UBR4: variants seen among roughly 807,000 people sequenced by gnomAD.
UBR4 encodes the protein E3 ubiquitin-protein ligase UBR4.
In UBR4, 124 loss-of-function variants were observed where a neutral mutation model predicts 575.6. The observed-to-expected ratio is 0.22, with a 90% CI of 0.19 to 0.25. UBR4 has a LOEUF of 0.25. Ranked by LOEUF, UBR4 falls within the 10% of genes least tolerant of loss-of-function variation. UBR4 has a pLI of 1.00. For synonymous variants in UBR4, 2,455 were observed against 2,473.7 expected (o/e 0.99, Z 0.22); for missense variants, 4,818 against 6,478.8 (o/e 0.74, Z 8.80).
chr1:19,112,236 G>A (rs942464393), intron 78 of UBR4: 3 of 377,324 alleles, frequency 8.0e-6, no homozygotes, highest in Admixed American at 4.4e-5. Flanking sequence ...GAGTTCAAGT[G>A]TCTCCCTTCC....
Position 19,184,045 on chromosome 1 carries a change from A to C in UBR4, c.2069T>G (p.Ile690Ser), listed in dbSNP as rs2091286363. The change falls in exon 16 of 106, where the codon ATC becomes AGC. Residue 690 changes from isoleucine (I) to serine (S), a missense_variant. Physicochemically the swap from Ile to Ser is moderately radical, Grantham distance 142 (BLOSUM62 -2). This residue lies in a region of UBR4 where 1,172 missense variants were observed against 1,259.7 expected (regional missense o/e 0.93). Coordinates refer to ENST00000375254, the MANE Select transcript of UBR4 (RefSeq NM_020765.3). ...GAGTCCATCTTTGTCCACCTCCTTG[A>C]TGATACTGGCTAGGGTGGCCATATG... ...EHHMATLASI[I>S]KEVDKDGLKG... 1 of 1,614,044 alleles carries C rather than the reference A, an allele frequency of 6.2e-7. No homozygotes were observed. The highest frequency in any genetic ancestry group is 8.5e-7 in the Non-Finnish European group (1 of 1,180,022).
At chr1:19,179,299 T>C (rs1215268782) in intron 17 of UBR4, 79 bp from the exon 18 acceptor site, 1 of 1,387,964 alleles carries the variant, frequency 7.2e-7, no homozygotes, top group Non-Finnish European at 9.4e-7. Context: ...TTCTCAAACG[T>C]TTGTTTGTTT....
chr1:19,145,157 G>C (rs1214059993), intron 53 of UBR4, among the ~76,000 whole-genome samples: 2 of 152,158 alleles, frequency 1.3e-5, no homozygotes, highest in African/African-American at 2.4e-5. Flanking sequence ...GAAATAAGTA[G>C]CTGTCCACTC....
rs1441181198 is a variant in UBR4 at position 19,089,276 on chromosome 1, T to A, written c.14212-299A>T. ...CTAGATAACATATGCAAAGCATCCA[T>A]CACAGAGGATGTGGAAAGGGGCCAG... is the stretch of plus-strand genomic sequence containing the variant. On this transcript the variant is annotated intron_variant, in intron 97 of 105. Transcript: ENST00000375254. The surrounding 1 kb of genome is among the most constrained non-coding windows in gnomAD (Gnocchi z 4.3). 6.6e-6 allele frequency among the ~76,000 whole-genome samples: 1 copy of A among 152,140 alleles called. No individual in the cohort carries two copies. Among genetic ancestry groups the A allele is most frequent in the African/African-American group, 2.4e-5 (1 of 41,436 alleles).
At chr1:19,155,115 G>A (rs2086264995) in intron 43 of UBR4, 40 bp from the exon 44 acceptor site, 1 of 1,609,368 alleles carries the variant, frequency 6.2e-7, no homozygotes, top group South Asian at 1.1e-5. Context: ...AATTCATGTT[G>A]CCTTGGCTAC....
In UBR4 at chr1:19,087,739, C is replaced by T. The variant is rs548443672; in HGVS notation, c.14544+77G>A. Reference sequence around the variant, plus strand: ...CTTGCCTAGCTAAGAACAAAATGGCCTGGAGGAGGGGGATGCTACCTAGAA... The same window carrying T: ...CTTGCCTAGCTAAGAACAAAATGGCTTGGAGGAGGGGGATGCTACCTAGAA... On this transcript the variant is annotated intron_variant, in intron 99 of 105. Coordinates refer to ENST00000375254, the MANE Select transcript of UBR4 (RefSeq NM_020765.3). 191 of 1,213,918 alleles carry T rather than the reference C, an allele frequency of 1.6e-4. 1 individual carries two copies. Among genetic ancestry groups the T allele is most frequent in the Non-Finnish European group, 2.2e-4 (186 of 846,720 alleles). 75.2% of individuals were successfully genotyped at this position (1,213,918 alleles called of 1,614,324 possible). A position where few individuals can be genotyped will look rare whatever the true frequency, so the allele number is the denominator to read the frequency against.
At position 19,107,285 on chromosome 1, in the gene UBR4, T is replaced by C. The variant is rs78562093; in HGVS notation, c.12106-319A>G. Among the ~76,000 whole-genome samples the C allele has an allele frequency of 3.2e-3, 482 of 152,170 alleles. 1 individual carries two copies. Among genetic ancestry groups the C allele is most frequent in the African/African-American group, 0.011 (467 of 41,500 alleles). On this transcript the variant is annotated intron_variant, in intron 81 of 105. Coordinates refer to ENST00000375254, the MANE Select transcript of UBR4 (RefSeq NM_020765.3). ...ATTTGCAGTTTCCTAAGCAAAAACC[T>C]TCCTAGGGTCACAAGCAGCCTCCAG...
At chr1:19,115,681 A>C in intron 73 of UBR4, 44 bp from the exon 74 acceptor site, 1 of 1,605,996 alleles carries the variant, frequency 6.2e-7, no homozygotes, top group Non-Finnish European at 8.5e-7. Context: ...TCTAACCCTC[A>C]GTGATAACAG....
chr1:19,191,462 C>T lies in UBR4; in HGVS notation c.1394+726G>A, dbSNP rs117440350. On this transcript the variant is annotated intron_variant, in intron 11 of 105. Coordinates refer to ENST00000375254, the MANE Select transcript of UBR4 (RefSeq NM_020765.3). ...CTCCAGCATGGGCAACAGAGGGAGA[C>T]TATGTCTCAAAAAAAATAAAATAAT... 4.8e-3 allele frequency among the ~76,000 whole-genome samples: 725 copies of T among 152,218 alleles called. 18 individuals carry two copies. The East Asian group carries it at 0.067, about 14-fold the overall frequency.
At chr1:19,097,116 G>A in intron 91 of UBR4, 77 bp downstream of exon 91, 2 of 1,223,396 alleles carry the variant, frequency 1.6e-6, no homozygotes, top group Non-Finnish European at 1.1e-6. Context: ...AAGCAACTGA[G>A]AATGCCCCTA....
At position 19,143,261 on chromosome 1, in the gene UBR4, A is replaced by AG. The variant is rs1188219326; in HGVS notation, c.8179+718dup. 8.4e-3 allele frequency among the ~76,000 whole-genome samples: 300 copies of AG among 35,610 alleles called. 1 individual carries two copies. Among genetic ancestry groups the AG allele is most frequent in the Middle Eastern group, 0.014 (1 of 70 alleles). 23.4% of individuals were successfully genotyped at this position (35,610 alleles called of 152,430 possible). A position where few individuals can be genotyped will look rare whatever the true frequency, so the allele number is the denominator to read the frequency against. Reference sequence around the variant, plus strand: ...CAGGAAGGAAGGAAGGAAGGAAGGAAGAAAGAAAGAAAGAAAGAAAGAAAG... The same window carrying AG: ...CAGGAAGGAAGGAAGGAAGGAAGGAAGGAAAGAAAGAAAGAAAGAAAGAAAG... On this transcript the variant is annotated intron_variant, in intron 55 of 105. Transcript: ENST00000375254.
chr1:19,201,906 A>ACTAC, intron 1 of UBR4, 91 bp from the exon 2 acceptor site: 2 of 1,078,242 alleles, frequency 1.9e-6, no homozygotes, highest in Non-Finnish European at 2.7e-6. Context: ...TTTAATCCTT[A>ACTAC]CTACCTGGTA....
At position 19,074,756 on chromosome 1, in the gene UBR4, T is replaced by C. The variant is rs2148304196; in HGVS notation, c.*76A>G. The C allele has an allele frequency of 6.5e-7, 1 of 1,530,722 alleles. No individual in the cohort carries two copies. Among genetic ancestry groups the C allele is most frequent in the South Asian group, 1.2e-5 (1 of 86,806 alleles). The allele number at this position is 1,530,722 out of a possible 1,614,324, so 94.8% of individuals were successfully genotyped here. On this transcript the variant is annotated 3_prime_UTR_variant, in exon 106 of 106. Transcript: ENST00000375254. ...AATGCAGCATCCCGCGGAGGGAACT[T>C]AATGCACAAGGAGGGAGAACAGAGG...
In UBR4 at chr1:19,156,755, C is replaced by G; in HGVS notation, c.5919+12G>C. On this transcript the variant is annotated intron_variant, in intron 41 of 105. Transcript: ENST00000375254. ...CAGCTCAAGGCAATCAAACCTAGAT[C>G]CGGATTTTTACCTTTAGCCCACAAA... 1.9e-6 allele frequency: 3 copies of G among 1,610,900 alleles called. No individual in the cohort carries two copies. Among genetic ancestry groups the G allele is most frequent in the Non-Finnish European group, 2.5e-6 (3 of 1,177,562 alleles).
chr1:19,202,861 T>C (rs1241477080), intron 1 of UBR4, among the ~76,000 whole-genome samples: 3 of 151,892 alleles, frequency 2.0e-5, no homozygotes, highest in Non-Finnish European at 4.4e-5. Flanking sequence ...TCCACGCAGG[T>C]GGATGACGAG....
intron 1 of UBR4, among the ~76,000 whole-genome samples, chr1:19,204,118 C>A (rs1340469757): frequency 1.3e-5 from 2 of 152,318 alleles, no homozygotes; most frequent in African/African-American, 4.8e-5. Flanking sequence ...CCTGCCTCAG[C>A]CTCCTGAGTA....
chr1:19,208,588 A>G (rs1394632112), intron 1 of UBR4, among the ~76,000 whole-genome samples: 2 of 152,032 alleles, frequency 1.3e-5, no homozygotes, highest in African/African-American at 4.8e-5. Context: ...TACAAATACA[A>G]CTCTTGATTA....
chr1:19,177,467 A>C lies in UBR4; in HGVS notation c.2631T>G (p.Phe877Leu). The C allele has an allele frequency of 6.2e-7, 1 of 1,614,054 alleles. No homozygotes were observed. Residue 877 changes from phenylalanine to leucine, a missense_variant, in exon 19 of 106, where the codon TTT (phenylalanine) becomes TTG (leucine). By Grantham distance (22) the Phe-to-Leu change is conservative. Coordinates refer to ENST00000375254, the MANE Select transcript of UBR4 (RefSeq NM_020765.3). The part of the protein sequence containing the change: ...HQYSKAPVYL[F>L]EQVQHNLLSP... ...AGAACGTGTTGGTCTGTACCTGCTCAAATAGATACACAGGGGCTTTGGAGT... is the reference window on the plus strand; with the variant it reads ...AGAACGTGTTGGTCTGTACCTGCTCCAATAGATACACAGGGGCTTTGGAGT...
rs1351674769 is a variant in UBR4 at position 19,161,133 on chromosome 1, TCTC to T, written c.5187_5189del (p.Arg1730del). 1 of 1,613,982 alleles carries T rather than the reference TCTC, an allele frequency of 6.2e-7. No individual in the cohort carries two copies. Among genetic ancestry groups the T allele is most frequent in the Admixed American group, 1.7e-5 (1 of 60,010 alleles). ...TAGAGCTCATGCCACTGCTAGGAGTTCTCTTCACCAGAGCCTAGGGACAGAAAA... is the reference window on the plus strand; with the variant it reads ...TAGAGCTCATGCCACTGCTAGGAGTTTTCACCAGAGCCTAGGGACAGAAAA... On this transcript the variant is annotated inframe_deletion, in exon 38 of 106. Coordinates refer to ENST00000375254, the MANE Select transcript of UBR4 (RefSeq NM_020765.3).
Sources: allele counts gnomAD v4.1 joint callset (sites outside exome capture counted in the v4.1 genomes callset), GRCh38; gene constraint gnomAD v4.1.1; regional missense constraint gnomAD v4.1.1; non-coding constraint Gnocchi (gnomAD v3.1); transcripts MANE v1.5; gene names NCBI Gene and HGNC (gene_info 2026-07-23, HGNC 2026-07-21).